Variants in PRDM6 observed in about 807,000 individuals in gnomAD.
PRDM6 encodes the protein putative histone-lysine N-methyltransferase PRDM6.
PRDM6 carries 25 observed loss-of-function variants against 60.8 expected under a neutral mutation model. That is an observed-to-expected ratio of 0.41 (90% CI 0.30 to 0.57). The LOEUF is 0.57. Ranked by LOEUF, PRDM6 falls within the 20% of genes least tolerant of loss-of-function variation. PRDM6 has a pLI of 0.27. For synonymous variants in PRDM6, 407 were observed against 357.4 expected, an observed-to-expected ratio of 1.14 and a Z score of -1.57; for missense variants, 839 against 821.3, an observed-to-expected ratio of 1.02 and a Z score of -0.26.
chr5:123,146,005 G>A (rs1050531890), intron 3 of PRDM6, among the ~76,000 whole-genome samples: 2 of 152,192 alleles, frequency 1.3e-5, no homozygotes, highest in African/African-American at 2.4e-5. Context: ...AGGGCATAGT[G>A]TGTGTCTGCG....
intron 3 of PRDM6, among the ~76,000 whole-genome samples, chr5:123,104,877 T>A (rs893528016): frequency 4.6e-5 from 7 of 152,240 alleles, no homozygotes; most frequent in Non-Finnish European, 1.0e-4. Flanking sequence ...ACTTAGTACT[T>A]TAAGTTGCTT....
At chr5:123,185,505 T>C (rs945465000) in intron 7 of PRDM6, among the ~76,000 whole-genome samples, 3 of 152,156 alleles carry the variant, frequency 2.0e-5, no homozygotes, top group African/African-American at 7.2e-5. Flanking sequence ...CAAAAATCAT[T>C]AGGTGATCAA....
chr5:123,114,743 G>A (rs1764395741), intron 3 of PRDM6, among the ~76,000 whole-genome samples: 1 of 152,218 alleles, frequency 6.6e-6, no homozygotes, highest in African/African-American at 2.4e-5. Context: ...AAAGCCTGGT[G>A]TTTTCAGAGG....
At chr5:123,174,213 A>C (rs903447801) in intron 6 of PRDM6, among the ~76,000 whole-genome samples, 2 of 152,186 alleles carry the variant, frequency 1.3e-5, no homozygotes, top group African/African-American at 4.8e-5. Context: ...TGTTCATAAC[A>C]TTTTGGATTT....
chr5:123,112,521 G>A (rs1032653560), intron 3 of PRDM6, among the ~76,000 whole-genome samples: 3 of 152,070 alleles, frequency 2.0e-5, no homozygotes, highest in Non-Finnish European at 2.9e-5. Flanking sequence ...TCTCACACCC[G>A]GAGAGCTCAC....
At chr5:123,093,201 C>T (rs1024512829) in intron 2 of PRDM6, among the ~76,000 whole-genome samples, 3 of 152,114 alleles carry the variant, frequency 2.0e-5, no homozygotes, top group African/African-American at 7.2e-5. Context: ...TTTGTCACTT[C>T]GTACTTAAAA....
At chr5:123,103,397 C>T (rs1764145006) in intron 3 of PRDM6, among the ~76,000 whole-genome samples, 1 of 151,936 alleles carries the variant, frequency 6.6e-6, no homozygotes, top group African/African-American at 2.4e-5. Context: ...CAATGACTTG[C>T]CTTGGTTATA....
chr5:123,135,833 C>T (rs1304498407), intron 3 of PRDM6, among the ~76,000 whole-genome samples: 5 of 152,138 alleles, frequency 3.3e-5, no homozygotes, highest in Admixed American at 1.3e-4. Context: ...ATCCATGATA[C>T]ACAAATATTA....
intron 3 of PRDM6, among the ~76,000 whole-genome samples, chr5:123,101,530 A>G (rs1764102498): frequency 6.6e-6 from 1 of 152,182 alleles, no homozygotes. Flanking sequence ...GTTATTAGGA[A>G]CTCTAATATC....
intron 3 of PRDM6, among the ~76,000 whole-genome samples, chr5:123,133,329 A>C (rs1187899488): frequency 2.6e-5 from 4 of 152,102 alleles, no homozygotes; most frequent in Admixed American, 2.6e-4. Context: ...CCTACAACTG[A>C]AAGAAATAAC....
In PRDM6 at chr5:123,090,538, A is replaced by G; in HGVS notation, c.524A>G (p.Tyr175Cys). ...RFRCSAEELD[Y>C]YLYGQQRMEI... ...CGCTGCAGCGCAGAGGAGCTGGACT[A>G]TTACCTGTATGGCCAGCAGCGCATG... Residue 175 changes from tyrosine to cysteine, a missense_variant, in exon 2 of 8, where the codon TAT becomes TGT. Transcript: ENST00000407847. The G allele has an allele frequency of 6.6e-7, 1 of 1,520,884 alleles. No homozygotes were observed. Among genetic ancestry groups the G allele is most frequent in the Non-Finnish European group, 8.8e-7 (1 of 1,142,010 alleles). 94.2% of individuals were successfully genotyped at this position (1,520,884 alleles called of 1,614,324 possible).
At chr5:123,093,876 T>C (rs1763898714) in intron 2 of PRDM6, among the ~76,000 whole-genome samples, 1 of 151,890 alleles carries the variant, frequency 6.6e-6, no homozygotes, top group South Asian at 2.1e-4. Flanking sequence ...TGTAAAGATG[T>C]GCTTCCCTAG....
intron 3 of PRDM6, among the ~76,000 whole-genome samples, chr5:123,120,279 T>C (rs1356385386): frequency 6.6e-6 from 1 of 152,238 alleles, no homozygotes; most frequent in Non-Finnish European, 1.5e-5. Context: ...CTGTGTTATG[T>C]CCAAACAGTG....
chr5:123,124,368 A>T (rs748347385), intron 3 of PRDM6, among the ~76,000 whole-genome samples: 12 of 152,228 alleles, frequency 7.9e-5, no homozygotes, highest in Non-Finnish European at 1.5e-4. Context: ...TGCTGATCAG[A>T]CACACTTCAT....
chr5:123,183,157 T>A (rs956750188), intron 7 of PRDM6, among the ~76,000 whole-genome samples: 4 of 152,246 alleles, frequency 2.6e-5, no homozygotes, highest in African/African-American at 9.6e-5. Context: ...TAATGGGTAT[T>A]GGCTTACACA....
chr5:123,130,849 G>A (rs955945054), intron 3 of PRDM6, among the ~76,000 whole-genome samples: 1 of 152,206 alleles, frequency 6.6e-6, no homozygotes, highest in East Asian at 1.9e-4. Flanking sequence ...TTACAGGCGT[G>A]AGCCACCACG....
At position 123,193,304 on chromosome 5, in the gene PRDM6, A is replaced by G. The variant is rs779028502; in HGVS notation, c.*6103A>G. The G allele has an allele frequency of 6.6e-5, 10 of 152,168 alleles. No individual in the cohort carries two copies. The highest frequency in any genetic ancestry group is 1.3e-4 in the Non-Finnish European group (9 of 68,026). The allele number at this position is 152,168 out of a possible 1,614,324, so 9.4% of individuals were successfully genotyped here. A position where few individuals can be genotyped will look rare whatever the true frequency, so the allele number is the denominator to read the frequency against. On this transcript the variant is annotated 3_prime_UTR_variant, in exon 8 of 8. Coordinates refer to ENST00000407847, the MANE Select transcript of PRDM6 (RefSeq NM_001136239.4). ...CTAGATATAAACTTTAACAAGCTGG[A>G]GATCTATTTCTACAGCACAACTCTT...
intron 3 of PRDM6, among the ~76,000 whole-genome samples, chr5:123,121,210 CTA>C (rs1281753192): frequency 6.6e-6 from 1 of 152,080 alleles, no homozygotes; most frequent in Non-Finnish European, 1.5e-5. Flanking sequence ...CTTTTTTTAC[CTA>C]TGTTTTTATA....
intron 2 of PRDM6, among the ~76,000 whole-genome samples, chr5:123,090,817 C>T (rs1763822182): frequency 6.6e-6 from 1 of 152,172 alleles, no homozygotes; most frequent in South Asian, 2.1e-4. Flanking sequence ...ATGGGACGGC[C>T]GGTGGCACTT....
Sources: gnomAD v4.1 joint callset for allele counts (sites outside exome capture counted in the v4.1 genomes callset) on GRCh38, gnomAD v4.1.1 for gene constraint, MANE v1.5 for transcripts, NCBI Gene and HGNC (gene_info 2026-07-23, HGNC 2026-07-21) for gene names.